The following CUL5 variants were observed in gnomAD, a reference collection of about 807,000 sequenced individuals.
CUL5 encodes cullin 5.
A neutral mutation model predicts 108.8 loss-of-function variants in CUL5; 26 were observed. The ratio of observed to expected loss-of-function variants is 0.24; its 90% CI spans 0.18 to 0.33. The LOEUF (loss-of-function observed/expected upper bound fraction) is 0.33, where lower values mean the gene tolerates loss of function less well. CUL5 is among the 10% of genes least tolerant of loss of function. The pLI is 1.00. For synonymous variants in CUL5, 334 were observed against 298.0 expected, an observed-to-expected ratio of 1.12 and a Z score of -1.25; for missense variants, 524 against 909.2, an observed-to-expected ratio of 0.58 and a Z score of 5.45.
chr11:108,102,801 A>G (rs1245251832), intron 18 of CUL5, among the ~76,000 whole-genome samples: 1 of 152,154 alleles, frequency 6.6e-6, no homozygotes, highest in Non-Finnish European at 1.5e-5. Context: ...ATCTGTGCTA[A>G]GATAGATATA....
intron 1 of CUL5, among the ~76,000 whole-genome samples, chr11:108,027,451 C>G (rs1398127822): frequency 6.6e-6 from 1 of 151,880 alleles, no homozygotes; most frequent in African/African-American, 2.4e-5. Context: ...TTTGTATTTT[C>G]AGTAGAGACA....
At chr11:108,063,656 T>TA (rs145598997) in intron 7 of CUL5, among the ~76,000 whole-genome samples, 9 of 139,748 alleles carry the variant, frequency 6.4e-5, no homozygotes, top group Admixed American at 6.3e-4. Context: ...TAATAAAATT[T>TA]AAAAAAAATA....
chr11:108,102,414 C>T (rs1275112590), intron 18 of CUL5, among the ~76,000 whole-genome samples: 1 of 152,182 alleles, frequency 6.6e-6, no homozygotes, highest in Non-Finnish European at 1.5e-5. Flanking sequence ...GCAACCTCTG[C>T]CTTTCAGGCT....
chr11:108,032,493 G>A (rs576977521), intron 1 of CUL5, among the ~76,000 whole-genome samples: 2 of 152,258 alleles, frequency 1.3e-5, no homozygotes, highest in Non-Finnish European at 2.9e-5. Context: ...GGGTGACAGA[G>A]CAAGACCCTG....
chr11:108,071,994 T>C (rs962436238), intron 8 of CUL5, among the ~76,000 whole-genome samples: 3 of 152,028 alleles, frequency 2.0e-5, no homozygotes, highest in Non-Finnish European at 2.9e-5. Flanking sequence ...TTGGGCAACA[T>C]TGGGAGACCC....
chr11:108,086,787 G>GT (rs1454062388), intron 11 of CUL5, among the ~76,000 whole-genome samples: 1 of 152,120 alleles, frequency 6.6e-6, no homozygotes, highest in Non-Finnish European at 1.5e-5. Context: ...TCTTACTGTG[G>GT]TGCTTTGCCT....
chr11:108,024,432 TAATA>T (rs1862406735), intron 1 of CUL5, among the ~76,000 whole-genome samples: 1 of 152,048 alleles, frequency 6.6e-6, no homozygotes, highest in African/African-American at 2.4e-5. Flanking sequence ...CAAAAAATAA[TAATA>T]ATAATAATAA....
At chr11:108,083,850 A>G (rs1159761872) in intron 11 of CUL5, among the ~76,000 whole-genome samples, 2 of 152,138 alleles carry the variant, frequency 1.3e-5, no homozygotes, top group Admixed American at 6.6e-5. Flanking sequence ...TGGTGTGGCT[A>G]TTGGAGGTGT....
intron 11 of CUL5, among the ~76,000 whole-genome samples, chr11:108,079,006 T>G (rs1054739820): frequency 1.2e-4 from 18 of 152,306 alleles, no homozygotes; most frequent in African/African-American, 3.4e-4. Flanking sequence ...CTGTGAAATA[T>G]GTGAAACATA....
rs554079039 is a variant in CUL5 at position 108,016,327 on chromosome 11, C to T, written c.24+6955C>T. On this transcript the variant is annotated intron_variant, in intron 1 of 18. Transcript: ENST00000393094. ...TGTCCCCCAGTCTGGAGTACAGTGG[C>T]GCAGTCACAGCTCCCTACAGCCTTG... 2.6e-4 allele frequency among the ~76,000 whole-genome samples: 40 copies of T among 152,148 alleles called. No individual in the cohort carries two copies. In the South Asian group the frequency reaches 5.0e-3, roughly 19 times the overall value.
chr11:108,072,207 GAAC>G, intron 8 of CUL5, 122 bp from the exon 9 acceptor site: 2 of 732,306 alleles, frequency 2.7e-6, no homozygotes, highest in Non-Finnish European at 4.0e-6. Flanking sequence ...ACAAAAAAAC[GAAC>G]AACTACTCCT....
intron 10 of CUL5, among the ~76,000 whole-genome samples, chr11:108,077,346 T>C (rs1316712231): frequency 1.3e-5 from 2 of 152,214 alleles, no homozygotes; most frequent in African/African-American, 4.8e-5. Context: ...CCAGTGACTT[T>C]AACAAGAACA....
rs150100218 is a variant in CUL5, at chr11:108,076,624, C to T, written c.1114-1552C>T. ...ACCAGTTTCTTTATCCATTGATGGA[C>T]GCTGAGGTTGTGTCCATATTTTTGC... On this transcript the variant is annotated intron_variant, in intron 10 of 18. Coordinates refer to ENST00000393094, the MANE Select transcript of CUL5 (RefSeq NM_003478.6). Among the ~76,000 whole-genome samples, 11 of 152,208 alleles carry T rather than the reference C, an allele frequency of 7.2e-5. No individual in the cohort carries two copies. In the East Asian group the frequency reaches 7.7e-4, roughly 11 times the overall value.
chr11:108,094,293 TA>T, intron 13 of CUL5, 97 bp from the exon 14 acceptor site: 1 of 903,346 alleles, frequency 1.1e-6, no homozygotes, highest in East Asian at 3.1e-5. Flanking sequence ...AATTTTGTAT[TA>T]AAACATTTAA....
intron 11 of CUL5, among the ~76,000 whole-genome samples, chr11:108,086,365 A>G (rs549564641): frequency 6.6e-6 from 1 of 152,316 alleles, no homozygotes; most frequent in Admixed American, 6.5e-5. Flanking sequence ...TGAGGAATGA[A>G]GACTGCTTGA....
intron 1 of CUL5, among the ~76,000 whole-genome samples, chr11:108,033,380 G>C (rs1456998292): frequency 6.6e-6 from 1 of 152,162 alleles, no homozygotes; most frequent in Non-Finnish European, 1.5e-5. Context: ...ATCTCAAGTT[G>C]TATTGTTCGT....
chr11:108,058,788 G>A (rs1863464390), intron 7 of CUL5, among the ~76,000 whole-genome samples: 1 of 152,016 alleles, frequency 6.6e-6, no homozygotes, highest in Non-Finnish European at 1.5e-5. Context: ...ACTTATAGGA[G>A]AGCCACTTAG....
chr11:108,048,315 A>G (rs549138717), intron 3 of CUL5, among the ~76,000 whole-genome samples: 47 of 152,256 alleles, frequency 3.1e-4, no homozygotes, highest in South Asian at 1.2e-3. Context: ...GATTAACACA[A>G]CTGTTTTATT....
intron 10 of CUL5, chr11:108,074,071 TGTTA>T (rs1253724547): frequency 1.3e-5 from 2 of 152,204 alleles, no homozygotes; most frequent in Non-Finnish European, 2.9e-5. Flanking sequence ...AAGAAATTGC[TGTTA>T]GTTTTTTCTC....
Sources: allele counts gnomAD v4.1 joint callset (sites outside exome capture counted in the v4.1 genomes callset), GRCh38; gene constraint gnomAD v4.1.1; transcripts MANE v1.5; gene names NCBI Gene and HGNC (gene_info 2026-07-23, HGNC 2026-07-21).